Variants in ADGRL2 observed in about 807,000 individuals in gnomAD.
ADGRL2 encodes adhesion G protein-coupled receptor L2.
ADGRL2 carries 44 observed loss-of-function variants against 157.4 expected under a neutral mutation model. The ratio of observed to expected loss-of-function variants is 0.28; its 90% CI spans 0.22 to 0.36. The LOEUF (loss-of-function observed/expected upper bound fraction) is 0.36, where lower values mean the gene tolerates loss of function less well. Among genes scored for constraint, ADGRL2 ranks in the 10% least tolerant of loss-of-function variants. The pLI is 1.00. For synonymous variants in ADGRL2, 585 were observed against 624.7 expected (o/e 0.94, Z 0.95); for missense variants, 1,510 against 1,768.9 (o/e 0.85, Z 2.63).
At chr1:81,939,916 A>G (rs1647268825) in intron 4 of ADGRL2, among the ~76,000 whole-genome samples, 1 of 151,308 alleles carries the variant, frequency 6.6e-6, no homozygotes, top group South Asian at 2.1e-4. Context: ...TCAAAGGTTT[A>G]TAATATTTTA....
At chr1:81,961,788 G>A (rs1312874145) in intron 11 of ADGRL2, among the ~76,000 whole-genome samples, 1 of 152,130 alleles carries the variant, frequency 6.6e-6, no homozygotes, top group Admixed American at 6.5e-5. Flanking sequence ...GGGATTACAG[G>A]CATGAGCCAC....
At chr1:81,813,968 TA>T (rs2090135387) in intron 1 of ADGRL2, among the ~76,000 whole-genome samples, 1 of 151,808 alleles carries the variant, frequency 6.6e-6, no homozygotes, top group South Asian at 2.1e-4. Context: ...TGTTTTGTCT[TA>T]AATTTGAAGG....
chr1:81,732,498 T>C (rs182195140), intron 1 of ADGRL2, among the ~76,000 whole-genome samples: 1 of 152,202 alleles, frequency 6.6e-6, no homozygotes, highest in African/African-American at 2.4e-5. Context: ...ATGACAAAGA[T>C]AATGATTACT....
At position 81,676,004 on chromosome 1, in the gene ADGRL2, T is replaced by C. The variant is rs191738991; in HGVS notation, c.-142-85807T>C. Among the ~76,000 whole-genome samples the C allele has an allele frequency of 2.0e-5, 3 of 152,074 alleles. No individual in the cohort carries two copies. The East Asian group carries it at 5.8e-4, about 29-fold the overall frequency. On this transcript the variant is annotated intron_variant, in intron 3 of 24. Transcript: ENST00000370721. ...CCATAACAAGGTTTTTTGTCTTGTT[T>C]TTTGTTTTTGTTTTGAGACGGAGTT...
chr1:81,969,160 A>G lies in ADGRL2; in HGVS notation c.2524-18A>G, dbSNP rs186578431. On this transcript the variant is annotated intron_variant, in intron 14 of 23. Coordinates refer to ENST00000686636, the MANE Select transcript of ADGRL2 (RefSeq NM_001366006.2). ...TAATGCAGGAATACTAATGTTCCTC[A>G]TATCTTTTTATTTTCAGTATAAAGA... 54 of 1,567,640 alleles carry G rather than the reference A, an allele frequency of 3.4e-5. 1 individual carries two copies. The South Asian group carries it at 5.3e-4, about 15-fold the overall frequency.
chr1:81,640,576 G>A (rs889297256), intron 3 of ADGRL2, among the ~76,000 whole-genome samples: 2 of 151,664 alleles, frequency 1.3e-5, no homozygotes, highest in Non-Finnish European at 2.9e-5. Context: ...AGGTTGCAGT[G>A]AGCCAAGATG....
At chr1:81,572,330 C>T (rs898844211) in intron 2 of ADGRL2, among the ~76,000 whole-genome samples, 8 of 152,144 alleles carry the variant, frequency 5.3e-5, no homozygotes, top group South Asian at 2.1e-4. Context: ...TCCAAACAAA[C>T]GTTTATTCAT....
intron 2 of ADGRL2, among the ~76,000 whole-genome samples, chr1:81,577,922 G>A (rs1004985335): frequency 3.3e-5 from 5 of 152,100 alleles, no homozygotes; most frequent in African/African-American, 9.7e-5. Flanking sequence ...AAGAAAAGGT[G>A]CAAACCATTA....
intron 11 of ADGRL2, among the ~76,000 whole-genome samples, chr1:81,961,102 A>G (rs1248575330): frequency 2.0e-5 from 3 of 151,752 alleles, no homozygotes; most frequent in Non-Finnish European, 4.4e-5. Context: ...TAAGATAAAT[A>G]TATTAAAATT....
intron 1 of ADGRL2, among the ~76,000 whole-genome samples, chr1:81,404,616 A>G (rs2076820953): frequency 6.6e-6 from 1 of 152,230 alleles, no homozygotes; most frequent in Non-Finnish European, 1.5e-5. Flanking sequence ...AATGAATAAA[A>G]TGCTTGATAG....
intron 1 of ADGRL2, among the ~76,000 whole-genome samples, chr1:81,326,603 A>G (rs1300395181): frequency 6.6e-6 from 1 of 152,220 alleles, no homozygotes; most frequent in Non-Finnish European, 1.5e-5. Flanking sequence ...AGTGAACTAC[A>G]TACAAAAGAA....
chr1:81,393,347 T>A (rs1247765827), intron 1 of ADGRL2, among the ~76,000 whole-genome samples: 2 of 128,412 alleles, frequency 1.6e-5, no homozygotes, highest in African/African-American at 5.8e-5. Context: ...CAAAACTCCA[T>A]GCCCCAGGGA....
At chr1:81,872,060 T>G (rs1253216385) in intron 2 of ADGRL2, among the ~76,000 whole-genome samples, 1 of 152,184 alleles carries the variant, frequency 6.6e-6, no homozygotes. Flanking sequence ...TTTTTATGGT[T>G]TTAGGTCTGA....
chr1:81,701,351 C>T (rs2083569916), intron 1 of ADGRL2, among the ~76,000 whole-genome samples: 1 of 151,996 alleles, frequency 6.6e-6, no homozygotes, highest in Admixed American at 6.6e-5. Flanking sequence ...ATTAGTGAAA[C>T]TATATTCAAA....
intron 2 of ADGRL2, among the ~76,000 whole-genome samples, chr1:81,573,341 T>G (rs2080733071): frequency 6.6e-6 from 1 of 152,012 alleles, no homozygotes. Flanking sequence ...CTTCTTTTCT[T>G]CCCCCTTCCT....
At chr1:81,435,158 A>T (rs1416082422) in intron 1 of ADGRL2, among the ~76,000 whole-genome samples, 4 of 152,224 alleles carry the variant, frequency 2.6e-5, no homozygotes, top group African/African-American at 9.6e-5. Context: ...TTAAAATAAA[A>T]TTACATTTAC....
chr1:81,537,706 CTTT>C (rs917229833), intron 2 of ADGRL2, among the ~76,000 whole-genome samples: 2 of 144,244 alleles, frequency 1.4e-5, no homozygotes, highest in Admixed American at 7.0e-5. Flanking sequence ...CTTTTTCTCT[CTTT>C]TTTTTTTTAG....
At chr1:81,605,101 G>A (rs2081406951) in intron 3 of ADGRL2, among the ~76,000 whole-genome samples, 1 of 151,996 alleles carries the variant, frequency 6.6e-6, no homozygotes, top group Non-Finnish European at 1.5e-5. Context: ...ATGATTTAGG[G>A]TCACAGATGA....
chr1:81,789,764 A>G (rs1451688852), intron 2 of ADGRL2, among the ~76,000 whole-genome samples: 2 of 151,852 alleles, frequency 1.3e-5, no homozygotes, highest in African/African-American at 4.8e-5. Flanking sequence ...ACAGCATTTC[A>G]GGTGTCAGCA....
Sources: gnomAD v4.1 joint callset for allele counts (sites outside exome capture counted in the v4.1 genomes callset) on GRCh38, gnomAD v4.1.1 for gene constraint, MANE v1.5 for transcripts, NCBI Gene and HGNC (gene_info 2026-07-23, HGNC 2026-07-21) for gene names.